HDAC11: variants seen among roughly 807,000 people sequenced by gnomAD.
HDAC11 encodes histone deacetylase 11.
A neutral mutation model predicts 41.1 loss-of-function variants in HDAC11; 23 were observed. The observed-to-expected ratio is 0.56, with a 90% CI of 0.40 to 0.79. HDAC11 has a LOEUF of 0.79. Ranked by LOEUF, HDAC11 falls within the 30% of genes least tolerant of loss-of-function variation. HDAC11 has a pLI of 0.00. For missense variants in HDAC11, 402 were observed against 477.3 expected (o/e 0.84, Z 1.47); for synonymous variants, 187 against 186.6 (o/e 1.00, Z -0.02).
At chr3:13,483,708 G>A in intron 3 of HDAC11, 144 bp downstream of exon 3, 1 of 648,436 alleles carries the variant, frequency 1.5e-6, no homozygotes, top group Non-Finnish European at 2.8e-6. Flanking sequence ...GAGGAACATG[G>A]GAGTCTGTGG....
chr3:13,484,977 C>T (rs1574887193), intron 3 of HDAC11, among the ~76,000 whole-genome samples: 1 of 152,266 alleles, frequency 6.6e-6, no homozygotes, highest in Middle Eastern at 3.4e-3. Context: ...GAGCCCTGAC[C>T]CCCAGGCTCC....
intron 3 of HDAC11, among the ~76,000 whole-genome samples, chr3:13,487,575 C>T (rs1222301273): frequency 1.3e-5 from 2 of 152,212 alleles, no homozygotes; most frequent in African/African-American, 4.8e-5. Flanking sequence ...CTGTTGAGCT[C>T]CCCAGTGCCC....
rs1368975687 is a variant in HDAC11, at chr3:13,496,860, G to T, written c.369+8G>T. 2.0e-6 allele frequency: 3 copies of T among 1,515,516 alleles called. No homozygotes were observed. The highest frequency in any genetic ancestry group is 1.9e-5 in the Admixed American group (1 of 51,616). The allele number at this position is 1,515,516 out of a possible 1,614,324, so 93.9% of individuals were successfully genotyped here. On this transcript the variant is annotated splice_region_variant and intron_variant, in intron 4 of 9. Coordinates refer to ENST00000295757, the MANE Select transcript of HDAC11 (RefSeq NM_024827.4). The stretch of plus-strand genomic sequence containing the variant: ...ACAGGAGGAACCATAATGGTAGGTG[G>T]GGTGGGGGGGCATGGCTGGGCTGGG...
rs1197074378 is a variant in HDAC11, at chr3:13,483,452, C to T, written c.152-12C>T. ...TCAGTGGGGAAGCAGGATGCTCCCTCTGTGGTTTCAGAAGAGAAGCTTCTG... is the reference window on the plus strand; with the variant it reads ...TCAGTGGGGAAGCAGGATGCTCCCTTTGTGGTTTCAGAAGAGAAGCTTCTG... On this transcript the variant is annotated splice_polypyrimidine_tract_variant and intron_variant, in intron 2 of 9. Coordinates refer to ENST00000295757, the MANE Select transcript of HDAC11 (RefSeq NM_024827.4). 1 of 1,612,644 alleles carries T rather than the reference C, an allele frequency of 6.2e-7. No homozygotes were observed. The highest frequency in any genetic ancestry group is 8.5e-7 in the Non-Finnish European group (1 of 1,178,758).
chr3:13,486,633 C>T (rs1206619618), intron 3 of HDAC11, among the ~76,000 whole-genome samples: 5 of 131,200 alleles, frequency 3.8e-5, no homozygotes, highest in Non-Finnish European at 7.7e-5. Context: ...GGCTCGAGTA[C>T]AGTGGTGCGA....
intron 3 of HDAC11, among the ~76,000 whole-genome samples, chr3:13,496,414 C>A (rs564292433): frequency 6.6e-6 from 1 of 152,186 alleles, no homozygotes; most frequent in African/African-American, 2.4e-5. Context: ...CCTAGACCTG[C>A]ACTGCTGACT....
intron 3 of HDAC11, among the ~76,000 whole-genome samples, chr3:13,494,730 C>T (rs887390480): frequency 2.0e-5 from 3 of 152,188 alleles, no homozygotes; most frequent in South Asian, 2.1e-4. Flanking sequence ...CGCCTTCAGC[C>T]GCCCTTGCCG....
chr3:13,500,799 T>G lies in HDAC11; in HGVS notation c.489+10T>G, dbSNP rs1574912682. 6.5e-7 allele frequency: 1 copy of G among 1,534,278 alleles called. No homozygotes were observed. Among genetic ancestry groups the G allele is most frequent in the Non-Finnish European group, 8.8e-7 (1 of 1,133,932 alleles). On this transcript the variant is annotated intron_variant, in intron 6 of 9. Coordinates refer to ENST00000295757, the MANE Select transcript of HDAC11 (RefSeq NM_024827.4). Reference sequence around the variant, plus strand: ...CACGCTCGCCATCAAGGTGTGTCTATGAGCAAGTGGGGTCTCGCCTCCAAG... The same window carrying G: ...CACGCTCGCCATCAAGGTGTGTCTAGGAGCAAGTGGGGTCTCGCCTCCAAG...
rs1702599750 is a variant in HDAC11 at position 13,505,878 on chromosome 3, A to C, written c.*1195A>C. ...ACCTCCAGGAAGTGGGCGGGGGAGC[A>C]TCCACCCCTGCTAGCCGGCAGCTGT... On this transcript the variant is annotated 3_prime_UTR_variant, in exon 10 of 10. Coordinates refer to ENST00000295757, the MANE Select transcript of HDAC11 (RefSeq NM_024827.4). 1 of 152,318 alleles carries C rather than the reference A, an allele frequency of 6.6e-6. No homozygotes were observed. The highest frequency in any genetic ancestry group is 6.5e-5 in the Admixed American group (1 of 15,278). The allele number at this position is 152,318 out of a possible 1,614,324, so 9.4% of individuals were successfully genotyped here.
intron 1 of HDAC11, 60 bp from the exon 2 acceptor site, chr3:13,481,186 A>G: frequency 6.4e-7 from 1 of 1,555,098 alleles, no homozygotes; most frequent in Admixed American, 1.8e-5. Flanking sequence ...CGGGCTCGGG[A>G]GGGAGCTGCT....
At chr3:13,489,303 G>A (rs1022826849) in intron 3 of HDAC11, among the ~76,000 whole-genome samples, 7 of 152,032 alleles carry the variant, frequency 4.6e-5, no homozygotes, top group African/African-American at 1.7e-4. Flanking sequence ...CCAAACCCAA[G>A]GTCATGAAGG....
At chr3:13,486,725 C>T (rs535677131) in intron 3 of HDAC11, among the ~76,000 whole-genome samples, 2 of 151,886 alleles carry the variant, frequency 1.3e-5, no homozygotes, top group Non-Finnish European at 2.9e-5. Flanking sequence ...TTACAGGCAC[C>T]TGCCACCATG....
chr3:13,495,848 A>G (rs1702072570), intron 3 of HDAC11, among the ~76,000 whole-genome samples: 1 of 152,156 alleles, frequency 6.6e-6, no homozygotes, highest in African/African-American at 2.4e-5. Context: ...ACCCCCAGAA[A>G]GCCTCTCTAA....
chr3:13,503,249 T>G lies in HDAC11; in HGVS notation c.649+269T>G, dbSNP rs542577805. 3.3e-5 allele frequency: 10 copies of G among 301,340 alleles called. No individual in the cohort carries two copies. The Admixed American group carries it at 3.3e-4, about 10-fold the overall frequency. 18.7% of individuals were successfully genotyped at this position (301,340 alleles called of 1,614,324 possible). The stretch of plus-strand genomic sequence containing the variant: ...AGAAAAAAAAGAAAAATAGGATAAA[T>G]TTGAAAATACGAAATAAGAAATAAA... On this transcript the variant is annotated intron_variant, in intron 8 of 9. Transcript: ENST00000295757.
intron 9 of HDAC11, 63 bp from the exon 10 acceptor site, chr3:13,504,405 G>A (rs1702516985): frequency 1.0e-5 from 16 of 1,598,372 alleles, no homozygotes; most frequent in Admixed American, 6.7e-5. Flanking sequence ...TAGCCCTGCA[G>A]CAGGACTTCC....
intron 3 of HDAC11, among the ~76,000 whole-genome samples, chr3:13,486,267 C>CAAAAAAAAAAAAAAA (rs76727800): frequency 3.1e-5 from 2 of 65,212 alleles, no homozygotes; most frequent in East Asian, 4.5e-4. Context: ...AACTCCATCT[C>CAAAAAAAAAAAAAAA]AAAAAAAAAA....
chr3:13,500,925 T>A, intron 6 of HDAC11, 136 bp downstream of exon 6: 1 of 649,896 alleles, frequency 1.5e-6, no homozygotes, highest in Admixed American at 3.4e-5. Flanking sequence ...TTGTTTGGGT[T>A]GCTCAGCCAG....
intron 4 of HDAC11, among the ~76,000 whole-genome samples, chr3:13,497,546 G>A (rs752253532): frequency 1.1e-4 from 17 of 152,098 alleles, no homozygotes; most frequent in Admixed American, 2.0e-4. Context: ...AAGCCTCCAC[G>A]TCTCCCCCAC....
rs555022691 is a variant in HDAC11 at position 13,490,600 on chromosome 3, T to C, written c.253-6136T>C. Among the ~76,000 whole-genome samples, 4 of 152,302 alleles carry C rather than the reference T, an allele frequency of 2.6e-5. No homozygotes were observed. The East Asian group carries it at 5.8e-4, about 22-fold the overall frequency. ...ATGCATTTTATTCTTTTCGATGTTA[T>C]TATAAATGAAATTGTTTGAATTTCC... On this transcript the variant is annotated intron_variant, in intron 3 of 9. Coordinates refer to ENST00000295757, the MANE Select transcript of HDAC11 (RefSeq NM_024827.4).
Sources: gnomAD v4.1 joint callset for allele counts (sites outside exome capture counted in the v4.1 genomes callset) on GRCh38, gnomAD v4.1.1 for gene constraint, MANE v1.5 for transcripts, NCBI Gene and HGNC (gene_info 2026-07-23, HGNC 2026-07-21) for gene names.